The following EMC1 variants were observed in gnomAD, a reference collection of about 807,000 sequenced individuals.
EMC1 encodes the protein ER membrane protein complex subunit 1.
Under a neutral mutation model 128.8 loss-of-function variants are expected in EMC1, and 103 were observed. The observed-to-expected ratio is 0.80, with a 90% CI of 0.68 to 0.94. The LOEUF is 0.94. EMC1 is among the 40% of genes least tolerant of loss of function. EMC1 has a pLI of 0.00. For missense variants in EMC1, 1,083 were observed against 1,250.6 expected, an observed-to-expected ratio of 0.87 and a Z score of 2.02; for synonymous variants, 442 against 490.4, an observed-to-expected ratio of 0.90 and a Z score of 1.30.
chr1:19,250,993 A>G (rs1022263800), intron 1 of EMC1, among the ~76,000 whole-genome samples: 10 of 152,216 alleles, frequency 6.6e-5, no homozygotes, highest in African/African-American at 2.2e-4. Context: ...TAGGACTTTT[A>G]AGACGAAAGC....
chr1:19,241,223 A>G lies in EMC1; in HGVS notation c.510-81T>C, dbSNP rs898768202. ...CCTCAGGGGCTGCCAGGCCTCAGCCAGATGTCACAAACTAGTAATTCCCAA... is the reference window on the plus strand; with the variant it reads ...CCTCAGGGGCTGCCAGGCCTCAGCCGGATGTCACAAACTAGTAATTCCCAA... On this transcript the variant is annotated intron_variant, in intron 5 of 22. Transcript: ENST00000477853. The G allele has an allele frequency of 1.8e-5, 27 of 1,524,684 alleles. No individual in the cohort carries two copies. In the African/African-American group the frequency reaches 2.6e-4, roughly 15 times the overall value. The allele number at this position is 1,524,684 out of a possible 1,614,324, so 94.4% of individuals were successfully genotyped here.
chr1:19,249,788 G>A (rs2093648852), intron 1 of EMC1, among the ~76,000 whole-genome samples: 2 of 152,024 alleles, frequency 1.3e-5, no homozygotes, highest in African/African-American at 2.4e-5. Context: ...CTGGAGAGGT[G>A]TGCACCAGTA....
intron 16 of EMC1, 115 bp from the exon 17 acceptor site, chr1:19,231,078 G>T: frequency 7.0e-7 from 1 of 1,418,950 alleles, no homozygotes; most frequent in South Asian, 1.3e-5. Context: ...TTTACATTCA[G>T]TTCTGTTAAG....
At chr1:19,242,560 T>C (rs1310995918) in intron 4 of EMC1, 87 bp from the exon 5 acceptor site, 1 of 1,436,286 alleles carries the variant, frequency 7.0e-7, no homozygotes, top group African/African-American at 1.4e-5. Flanking sequence ...CACTGTTGCT[T>C]AGTGGGTAAG....
intron 10 of EMC1, 94 bp from the exon 11 acceptor site, chr1:19,238,233 G>T: frequency 1.4e-6 from 2 of 1,430,468 alleles, no homozygotes; most frequent in Non-Finnish European, 1.9e-6. Context: ...ATACCCTAGA[G>T]AAGGAGCCAG....
chr1:19,233,211 G>T, intron 13 of EMC1, 76 bp from the exon 14 acceptor site: 1 of 1,295,620 alleles, frequency 7.7e-7, no homozygotes, highest in Non-Finnish European at 1.1e-6. Flanking sequence ...TCCTAATGAG[G>T]GATCTCTGCC....
intron 2 of EMC1, 154 bp downstream of exon 2, chr1:19,244,752 T>C (rs2093624053): frequency 6.6e-6 from 5 of 758,430 alleles, no homozygotes; most frequent in African/African-American, 1.9e-5. Context: ...TATTCAAAGA[T>C]GGTAAGACTG....
chr1:19,238,714 TA>T, intron 10 of EMC1, 80 bp downstream of exon 10: 1 of 942,704 alleles, frequency 1.1e-6, no homozygotes, highest in Non-Finnish European at 1.7e-6. Flanking sequence ...GACCTGCTCC[TA>T]ACCAAAGCTC....
intron 20 of EMC1, 47 bp from the exon 21 acceptor site, chr1:19,220,895 G>A (rs768887347): frequency 7.2e-7 from 1 of 1,381,078 alleles, no homozygotes; most frequent in South Asian, 1.2e-5. Context: ...TGTCCAGCAA[G>A]GGCCAGTTAC....
intron 2 of EMC1, among the ~76,000 whole-genome samples, chr1:19,244,411 C>G (rs948306440): frequency 2.0e-5 from 3 of 152,156 alleles, no homozygotes; most frequent in Non-Finnish European, 4.4e-5. Flanking sequence ...GTGTTTTTTG[C>G]AGCAGCATCT....
chr1:19,234,803 G>A (rs187445971), intron 13 of EMC1, among the ~76,000 whole-genome samples: 14 of 151,800 alleles, frequency 9.2e-5, no homozygotes, highest in Non-Finnish European at 1.9e-4. Flanking sequence ...CCAAGATCGC[G>A]CCACTGCACT....
intron 13 of EMC1, among the ~76,000 whole-genome samples, chr1:19,234,409 G>A (rs555299144): frequency 2.6e-5 from 4 of 152,184 alleles, no homozygotes; most frequent in Non-Finnish European, 5.9e-5. Flanking sequence ...CAGCTTTAGA[G>A]GGCACTGGGC....
In EMC1 at chr1:19,236,409, C is replaced by A. The variant is rs995829066; in HGVS notation, c.1309+733G>T. ...CGGTGGCTCACACCTGTAATCCCAG[C>A]ACTTTGGGAGGCCGAGGCAGGTGGA... On this transcript the variant is annotated intron_variant, in intron 12 of 22. Transcript: ENST00000477853. Among the ~76,000 whole-genome samples, 11 of 151,716 alleles carry A rather than the reference C, an allele frequency of 7.3e-5. 1 individual carries two copies. Among genetic ancestry groups the A allele is most frequent in the African/African-American group, 2.4e-4 (10 of 41,256 alleles).
intron 19 of EMC1, 141 bp from the exon 20 acceptor site, chr1:19,222,975 T>C: frequency 7.8e-6 from 5 of 642,226 alleles, no homozygotes; most frequent in Non-Finnish European, 1.1e-5. Flanking sequence ...TCTTCCTTAC[T>C]ATCAAGTTTA....
chr1:19,230,216 AC>A (rs1297048528), intron 17 of EMC1, among the ~76,000 whole-genome samples: 2 of 152,144 alleles, frequency 1.3e-5, no homozygotes, highest in Non-Finnish European at 2.9e-5. Flanking sequence ...TTATTACTCA[AC>A]CCACATTCCT....
At chr1:19,223,941 AT>A (rs1558093207) in intron 18 of EMC1, among the ~76,000 whole-genome samples, 3 of 152,028 alleles carry the variant, frequency 2.0e-5, no homozygotes, top group Non-Finnish European at 2.9e-5. Context: ...CTGCAGTGAT[AT>A]TTTTCTTCTG....
intron 17 of EMC1, among the ~76,000 whole-genome samples, chr1:19,230,299 G>A (rs1485655798): frequency 7.2e-5 from 11 of 152,208 alleles, no homozygotes; most frequent in African/African-American, 2.2e-4. Flanking sequence ...GGCCAGGCGC[G>A]GTGGCTCACG....
intron 9 of EMC1, 137 bp downstream of exon 9, chr1:19,239,094 A>G (rs756964377): frequency 2.5e-6 from 2 of 793,094 alleles, no homozygotes; most frequent in Non-Finnish European, 4.3e-6. Flanking sequence ...TTGAGGCAAG[A>G]CCTCACTTCT....
rs1258564662 is a variant in EMC1 at position 19,235,168 on chromosome 1, GC to G, written c.1393del (p.Ala465HisfsTer21). ...AAATTCTCCTTCCAGCTCGGCCTGT[GC>G]CCCAGTCAGGGGGAGGTCCACCATC... The part of the protein sequence containing the change: ...LEMVDLPLTG[A>X]QAELEGEFGK... On this transcript the variant is annotated frameshift_variant, in exon 13 of 23. Transcript: ENST00000477853. LOFTEE classifies it high-confidence loss of function. 1 of 1,614,004 alleles carries G rather than the reference GC, an allele frequency of 6.2e-7. No homozygotes were observed. The highest frequency in any genetic ancestry group is 2.2e-5 in the East Asian group (1 of 44,864).
Sources: allele counts gnomAD v4.1 joint callset (sites outside exome capture counted in the v4.1 genomes callset), GRCh38; gene constraint gnomAD v4.1.1; transcripts MANE v1.5; gene names NCBI Gene and HGNC (gene_info 2026-07-23, HGNC 2026-07-21).